Variants in ARHGEF17 observed in about 807,000 individuals in gnomAD.
The protein encoded by ARHGEF17 is Rho guanine nucleotide exchange factor 17.
In ARHGEF17, 80 loss-of-function variants were observed where a neutral mutation model predicts 174.0. That is an observed-to-expected ratio of 0.46 (90% CI 0.38 to 0.55). ARHGEF17 has a LOEUF of 0.55. Ranked by LOEUF, ARHGEF17 falls within the 20% of genes least tolerant of loss-of-function variation. ARHGEF17 has a pLI of 0.00. For synonymous variants in ARHGEF17, 1,311 were observed against 1,189.1 expected (o/e 1.10, Z -2.11); for missense variants, 2,886 against 2,839.7 (o/e 1.02, Z -0.37).
In ARHGEF17 at chr11:73,311,786, G is replaced by C. The variant is rs1295252049; in HGVS notation, c.3148G>C (p.Asp1050His). 6.2e-7 allele frequency: 1 copy of C among 1,611,242 alleles called. No individual in the cohort carries two copies. The highest frequency in any genetic ancestry group is 8.5e-7 in the Non-Finnish European group (1 of 1,178,780). Residue 1050 changes from aspartate (D) to histidine (H), a missense_variant, in exon 1 of 21, where the codon GAT becomes CAT. By Grantham distance (81) the Asp-to-His change is moderately conservative (BLOSUM62 -1). Around this residue, in one of 4 missense-constraint regions of ARHGEF17, gnomAD observed 1,728 missense variants for 1,461.2 expected, o/e 1.18. Transcript: ENST00000263674. ...AKPPEAARPA[D>H]EPTPASKCCS... ...GCCCCCTGAGGCAGCTCGGCCTGCA[G>C]ATGAGCCTACCCCTGCCAGCAAGTG...
chr11:73,310,519 C>G lies in ARHGEF17; in HGVS notation c.1881C>G (p.Thr627=), dbSNP rs749083960. ...PGSPDWAGDV[T]RGQRSQEELS... The stretch of plus-strand genomic sequence containing the variant: ...GCCCTGACTGGGCAGGGGATGTGAC[C>G]CGAGGGCAGCGGTCCCAGGAGGAGC... The change falls in exon 1 of 21, where the codon ACC becomes ACG. Residue 627 remains threonine (T), a synonymous_variant. Transcript: ENST00000263674. 5.6e-6 allele frequency: 9 copies of G among 1,613,822 alleles called. No individual in the cohort carries two copies. The East Asian group carries it at 2.0e-4, about 36-fold the overall frequency.
intron 1 of ARHGEF17, among the ~76,000 whole-genome samples, chr11:73,320,122 A>G (rs1014533267): frequency 1.3e-5 from 2 of 152,040 alleles, no homozygotes; most frequent in Non-Finnish European, 1.5e-5. Context: ...AATTGGTGGC[A>G]TTGGTGCTGT....
At chr11:73,353,199 C>G in intron 3 of ARHGEF17, 187 bp downstream of exon 3, 2 of 730,832 alleles carry the variant, frequency 2.7e-6, no homozygotes, top group Non-Finnish European at 4.4e-6. Flanking sequence ...TTGGACACTC[C>G]CCTACCCCAA....
At position 73,339,642 on chromosome 11, in the gene ARHGEF17, C is replaced by T. The variant is rs547178462; in HGVS notation, c.3193-7241C>T. 7.2e-5 allele frequency among the ~76,000 whole-genome samples: 11 copies of T among 152,230 alleles called. No homozygotes were observed. The South Asian group carries it at 1.7e-3, about 23-fold the overall frequency. ...GGCAGGTAGTCAGGGTATTGGGATT[C>T]CCTCAGAGATGGGGAAGTTGTTAGC... On this transcript the variant is annotated intron_variant, in intron 1 of 20. Coordinates refer to ENST00000263674, the MANE Select transcript of ARHGEF17 (RefSeq NM_014786.4).
At chr11:73,359,775 G>C (rs1207479514) in intron 9 of ARHGEF17, 59 bp from the exon 10 acceptor site, 2 of 1,422,626 alleles carry the variant, frequency 1.4e-6, no homozygotes, top group Non-Finnish European at 9.4e-7. Context: ...AGGAGAGTCT[G>C]TCCCAGCCTG....
chr11:73,316,762 T>C (rs1244110512), intron 1 of ARHGEF17, among the ~76,000 whole-genome samples: 1 of 152,124 alleles, frequency 6.6e-6, no homozygotes, highest in Admixed American at 6.5e-5. Context: ...ATGGGGCAGG[T>C]GCTGTTGGAA....
In ARHGEF17 at chr11:73,363,309, T is replaced by C; in HGVS notation, c.5100T>C (p.Gly1700=). The change falls in exon 15 of 21, where the codon GGT becomes GGC. Residue 1700 remains glycine (G), a synonymous_variant. Coordinates refer to ENST00000263674, the MANE Select transcript of ARHGEF17 (RefSeq NM_014786.4). ...FLPLSGSFGP[G]GPCGTSPMDG... is the part of the protein sequence containing the mutation. ...CACTGTCTGGCTCCTTTGGGCCTGG[T>C]GGTCCCTGCGGCACCAGCCCAATGG... 1 of 1,612,604 alleles carries C rather than the reference T, an allele frequency of 6.2e-7. No homozygotes were observed. The highest frequency in any genetic ancestry group is 8.5e-7 in the Non-Finnish European group (1 of 1,179,706).
intron 1 of ARHGEF17, among the ~76,000 whole-genome samples, chr11:73,330,898 A>G (rs886669061): frequency 6.6e-6 from 1 of 152,068 alleles, no homozygotes; most frequent in African/African-American, 2.4e-5. Flanking sequence ...GCAGGCACCC[A>G]TTTAAAAATG....
At chr11:73,356,686 G>A in intron 6 of ARHGEF17, 23 bp from the exon 7 acceptor site, 1 of 1,614,022 alleles carries the variant, frequency 6.2e-7, no homozygotes, top group South Asian at 1.1e-5. Flanking sequence ...CCTTCGAGAT[G>A]CCTTGTCCCT....
At chr11:73,361,029 C>A in intron 11 of ARHGEF17, 59 bp from the exon 12 acceptor site, 1 of 1,440,506 alleles carries the variant, frequency 6.9e-7, no homozygotes, top group Admixed American at 1.7e-5. Context: ...GGGGCAGGAC[C>A]AGGGTGAGAT....
intron 1 of ARHGEF17, among the ~76,000 whole-genome samples, chr11:73,338,527 T>C (rs908391590): frequency 3.3e-5 from 5 of 152,140 alleles, no homozygotes; most frequent in Non-Finnish European, 7.4e-5. Flanking sequence ...GTGTGGGCCA[T>C]TCGCCAGGGC....
rs1362763777 is a variant in ARHGEF17, at chr11:73,310,710, G to C, written c.2072G>C (p.Gly691Ala). 6.2e-7 allele frequency: 1 copy of C among 1,613,034 alleles called. No individual in the cohort carries two copies. Among genetic ancestry groups the C allele is most frequent in the Non-Finnish European group, 8.5e-7 (1 of 1,179,656 alleles). Residue 691 changes from glycine (G) to alanine (A), a missense_variant, in exon 1 of 21, where the codon GGG (glycine) becomes GCG (alanine). By Grantham distance (60) the Gly-to-Ala change is moderately conservative. Around this residue, in one of 4 missense-constraint regions of ARHGEF17, gnomAD observed 1,728 missense variants for 1,461.2 expected, o/e 1.18. Coordinates refer to ENST00000263674, the MANE Select transcript of ARHGEF17 (RefSeq NM_014786.4). Reference sequence around the variant, plus strand: ...CCTGGGACTGAGGACAGTCTGGGCGGGTGGGCCCTGGTGTCGCCTGAGACC... The same window carrying C: ...CCTGGGACTGAGGACAGTCTGGGCGCGTGGGCCCTGGTGTCGCCTGAGACC... ...HGPGTEDSLG[G>A]WALVSPETPP...
Position 73,311,042 on chromosome 11 carries a change from A to C in ARHGEF17, c.2404A>C (p.Ser802Arg). 1 of 1,614,074 alleles carries C rather than the reference A, an allele frequency of 6.2e-7. No homozygotes were observed. Among genetic ancestry groups the C allele is most frequent in the African/African-American group, 1.3e-5 (1 of 75,010 alleles). Reference protein sequence around the residue: ...ESKGYQEVIQSIVQGPGTLGR... With the variant: ...ESKGYQEVIQRIVQGPGTLGR... Reference sequence around the variant, plus strand: ...CAAGGGATATCAGGAGGTTATTCAGAGCATAGTTCAGGGGCCTGGCACCCT... The same window carrying C: ...CAAGGGATATCAGGAGGTTATTCAGCGCATAGTTCAGGGGCCTGGCACCCT... The change falls in exon 1 of 21, where the codon AGC (serine) becomes CGC (arginine). Residue 802 changes from serine to arginine, a missense_variant. Ser to Arg is a moderately radical substitution (Grantham distance 110). This residue lies in a region of ARHGEF17 where 1,728 missense variants were observed against 1,461.2 expected (regional missense o/e 1.18). Coordinates refer to ENST00000263674, the MANE Select transcript of ARHGEF17 (RefSeq NM_014786.4).
Position 73,357,141 on chromosome 11 carries a change from G to A in ARHGEF17, c.4001+7G>A. 1 of 1,613,958 alleles carries A rather than the reference G, an allele frequency of 6.2e-7. No homozygotes were observed. Among genetic ancestry groups the A allele is most frequent in the South Asian group, 1.1e-5 (1 of 91,066 alleles). On this transcript the variant is annotated splice_region_variant and intron_variant, in intron 8 of 20. Transcript: ENST00000263674. Reference sequence around the variant, plus strand: ...GGCGCAGCTCCATGAGCCTGTGAGTGGCTGGGCCGGGGTTTGGGTGGTGCC... The same window carrying A: ...GGCGCAGCTCCATGAGCCTGTGAGTAGCTGGGCCGGGGTTTGGGTGGTGCC...
At position 73,309,713 on chromosome 11, in the gene ARHGEF17, C is replaced by T. The variant is rs968285882; in HGVS notation, c.1075C>T (p.Leu359Phe). The T allele has an allele frequency of 2.5e-6, 4 of 1,612,996 alleles. No individual in the cohort carries two copies. The highest frequency in any genetic ancestry group is 3.4e-6 in the Non-Finnish European group (4 of 1,179,934). ...CTGCGTCCCAGGTCCCCAGGAGGGACTTCGGCCTATGTCTGACTCTGTGGG... is the reference window on the plus strand; with the variant it reads ...CTGCGTCCCAGGTCCCCAGGAGGGATTTCGGCCTATGTCTGACTCTGTGGG... ...PPCVPGPQEGLRPMSDSVGGA... is the reference protein window; with the variant it reads ...PPCVPGPQEGFRPMSDSVGGA... Residue 359 changes from leucine (L) to phenylalanine (F), a missense_variant, in exon 1 of 21, where the codon CTT becomes TTT. This residue lies in a region of ARHGEF17 where 1,728 missense variants were observed against 1,461.2 expected (regional missense o/e 1.18). Transcript: ENST00000263674.
Position 73,309,082 on chromosome 11 carries a change from A to T in ARHGEF17, c.444A>T (p.Pro148=). The T allele has an allele frequency of 6.5e-7, 1 of 1,528,506 alleles. No homozygotes were observed. The highest frequency in any genetic ancestry group is 8.8e-7 in the Non-Finnish European group (1 of 1,142,472). The allele number at this position is 1,528,506 out of a possible 1,614,324, so 94.7% of individuals were successfully genotyped here. ...GGCCCAGCGCCGACTCTGAATCCCC[A>T]GGAACGCCCAGCCCCGACGGTGCCG... The part of the protein sequence containing the change: ...SRRPSADSES[P]GTPSPDGAAW... Residue 148 remains proline, a synonymous_variant, in exon 1 of 21, where the codon CCA becomes CCT. Coordinates refer to ENST00000263674, the MANE Select transcript of ARHGEF17 (RefSeq NM_014786.4).
At chr11:73,363,925 CCCT>C in intron 16 of ARHGEF17, 92 bp downstream of exon 16, 1 of 1,374,296 alleles carries the variant, frequency 7.3e-7, no homozygotes, top group Non-Finnish European at 1.0e-6. Context: ...GCTCTACTGT[CCCT>C]CCTCTGTGTG....
chr11:73,328,746 A>G (rs1448913551), intron 1 of ARHGEF17, among the ~76,000 whole-genome samples: 1 of 152,224 alleles, frequency 6.6e-6, no homozygotes, highest in African/African-American at 2.4e-5. Flanking sequence ...GTCTTCATTC[A>G]GTGGGAACCT....
rs1302744480 is a variant in ARHGEF17 at position 73,309,320 on chromosome 11, C to T, written c.682C>T (p.Arg228Trp). Residue 228 changes from arginine to tryptophan, a missense_variant, in exon 1 of 21, where the codon CGG becomes TGG. Arg to Trp is a moderately radical substitution (Grantham distance 101). Transcript: ENST00000263674. ...HIFSQPQAGA[R>W]ASCSSSSIAA... ...CTTCTCCCAACCGCAGGCCGGGGCC[C>T]GGGCCTCCTGCTCCTCCTCCTCCAT... is the stretch of plus-strand genomic sequence containing the variant. 4 of 1,598,036 alleles carry T rather than the reference C, an allele frequency of 2.5e-6. No homozygotes were observed. In the African/African-American group the frequency reaches 4.7e-5, roughly 19 times the overall value.
Sources: allele counts gnomAD v4.1 joint callset (sites outside exome capture counted in the v4.1 genomes callset), GRCh38; gene constraint gnomAD v4.1.1; regional missense constraint gnomAD v4.1.1; transcripts MANE v1.5; gene names NCBI Gene and HGNC (gene_info 2026-07-23, HGNC 2026-07-21).